TBX1: variants seen among roughly 807,000 people sequenced by gnomAD.
The protein encoded by TBX1 is T-box transcription factor TBX1.
Under a neutral mutation model 40.8 loss-of-function variants are expected in TBX1, and 16 were observed. The observed-to-expected ratio is 0.39, with a 90% CI of 0.27 to 0.60. TBX1 has a LOEUF of 0.60. Among genes scored for constraint, TBX1 ranks in the 20% least tolerant of loss-of-function variants. TBX1 has a pLI of 0.51. For missense variants in TBX1, 755 were observed against 728.5 expected, an observed-to-expected ratio of 1.04 and a Z score of -0.42; for synonymous variants, 403 against 336.8, an observed-to-expected ratio of 1.20 and a Z score of -2.15.
chr22:19,779,588 C>T (rs768438598), downstream of TBX1: 11 of 1,413,080 alleles, frequency 7.8e-6, no homozygotes, highest in Non-Finnish European at 1.0e-5. Context: ...TAAATCAAAA[C>T]TTGTTGGATA....
intron 8 of TBX1, among the ~76,000 whole-genome samples, chr22:19,773,896 G>A (rs1937027293): frequency 6.6e-6 from 1 of 152,216 alleles, no homozygotes; most frequent in Non-Finnish European, 1.5e-5. Context: ...CTCCTGCAGT[G>A]GGAGGTTTCC....
At chr22:19,759,799 C>A, upstream of TBX1, 1 of 1,189,542 alleles carries the variant, frequency 8.4e-7, no homozygotes, top group Non-Finnish European at 1.2e-6. Flanking sequence ...AGGCTTCTGG[C>A]TGCGATTCTG....
At position 19,779,322 on chromosome 22, in the gene TBX1, TG is replaced by T; in HGVS notation, c.1116del (p.Leu373SerfsTer29). The T allele has an allele frequency of 1.2e-6, 2 of 1,614,216 alleles. No individual in the cohort carries two copies. The highest frequency in any genetic ancestry group is 3.3e-5 in the Admixed American group (2 of 60,024). On this transcript the variant is annotated frameshift_variant, in exon 9 of 9. Transcript: ENST00000329705. LOFTEE classifies it low-confidence loss of function (END_TRUNC). The stretch of plus-strand genomic sequence containing the variant: ...AGGGATGCAGGTGGCTGTGTGAACC[TG>T]GGGCTCCCCTGCCCCGCAGAGTGCC...
At chr22:19,769,617 A>ATGCCCC (rs1299997627), downstream of TBX1, among the ~76,000 whole-genome samples, 1 of 152,192 alleles carries the variant, frequency 6.6e-6, no homozygotes, top group Non-Finnish European at 1.5e-5. Context: ...TGTCTGGCTG[A>ATGCCCC]TGCCCCAGCC....
chr22:19,763,467 C>A, intron 2 of TBX1, 125 bp downstream of exon 2: 1 of 783,214 alleles, frequency 1.3e-6, no homozygotes, highest in Non-Finnish European at 2.1e-6. Flanking sequence ...TGCGATGCTG[C>A]CCGATCAACC....
Position 19,760,975 on chromosome 22 carries a change from C to G in TBX1, c.132C>G (p.Ala44=), listed in dbSNP as rs1383720808. The G allele has an allele frequency of 3.1e-6, 3 of 972,888 alleles. No individual in the cohort carries two copies. Among genetic ancestry groups the G allele is most frequent in the Non-Finnish European group, 3.7e-6 (3 of 820,954 alleles). The allele number at this position is 972,888 out of a possible 1,614,324, so 60.3% of individuals were successfully genotyped here. Residue 44 remains alanine, a synonymous_variant, in exon 1 of 7, where the codon GCC becomes GCG. Transcript: ENST00000649276. Reference sequence around the variant, plus strand: ...TCCCGGGCGCCGCGTCGCCCGGCGCCGACCCGTACGGCCCGCGCGAGCCCC... The same window carrying G: ...TCCCGGGCGCCGCGTCGCCCGGCGCGGACCCGTACGGCCCGCGCGAGCCCC... The part of the protein sequence containing the change: ...GGFPGAASPG[A]DPYGPREPPP...
At chr22:19,757,003 T>TGGAGGCGGC (rs970292506), upstream of TBX1, among the ~76,000 whole-genome samples, 1 of 152,010 alleles carries the variant, frequency 6.6e-6, no homozygotes, top group Non-Finnish European at 1.5e-5. Context: ...ATGGAGGCGG[T>TGGAGGCGGC]GGAGGCGGCG....
chr22:19,764,588 C>T (rs1291101582), intron 3 of TBX1, among the ~76,000 whole-genome samples: 5 of 152,206 alleles, frequency 3.3e-5, no homozygotes, highest in African/African-American at 1.2e-4. Context: ...GGAGAGGGGT[C>T]GCCCTCCTTC....
At chr22:19,766,061 GCGGCCTCGCC>G in intron 6 of TBX1, 59 bp downstream of exon 6, 2 of 1,373,846 alleles carry the variant, frequency 1.5e-6, no homozygotes, top group South Asian at 3.0e-5. Flanking sequence ...CCCCGGGCCG[GCGGCCTCGCC>G]CGACCTCGCC....
intron 6 of TBX1, 39 bp from the exon 7 acceptor site, chr22:19,766,350 C>T: frequency 8.0e-7 from 1 of 1,251,650 alleles, no homozygotes; most frequent in Non-Finnish European, 1.0e-6. Context: ...TCCTCGGCGG[C>T]CCCGGCCGGC....
upstream of TBX1, among the ~76,000 whole-genome samples, chr22:19,758,672 G>C (rs72646939): frequency 6.6e-6 from 1 of 152,058 alleles, no homozygotes; most frequent in Admixed American, 6.5e-5. Flanking sequence ...CTCCGCCCCC[G>C]GCCCTCCCTG....
At chr22:19,764,549 G>A (rs1233005837) in intron 3 of TBX1, among the ~76,000 whole-genome samples, 2 of 152,258 alleles carry the variant, frequency 1.3e-5, no homozygotes, top group Non-Finnish European at 2.9e-5. Context: ...CTGGTCAGGG[G>A]TCGCACAGCC....
At chr22:19,761,554 C>A (rs1214006746) in intron 1 of TBX1, among the ~76,000 whole-genome samples, 1 of 151,750 alleles carries the variant, frequency 6.6e-6, no homozygotes, top group Non-Finnish European at 1.5e-5. Flanking sequence ...CCGCGGGACT[C>A]GCCCGCCCGC....
chr22:19,759,151 A>G (rs898921449), upstream of TBX1, among the ~76,000 whole-genome samples: 1 of 152,144 alleles, frequency 6.6e-6, no homozygotes, highest in Non-Finnish European at 1.5e-5. Context: ...GTAGAAGCTG[A>G]CGGTGGCTTC....
At chr22:19,778,787 C>G (rs975643702) in intron 8 of TBX1, among the ~76,000 whole-genome samples, 7 of 152,078 alleles carry the variant, frequency 4.6e-5, no homozygotes, top group Non-Finnish European at 7.4e-5. Flanking sequence ...GACGTGGCGG[C>G]AGGTGCCTGT....
intron 4 of TBX1, 78 bp downstream of exon 4, chr22:19,765,191 G>A: frequency 3.1e-6 from 5 of 1,604,000 alleles, no homozygotes; most frequent in East Asian, 2.2e-5. Context: ...GCCGTTTGGG[G>A]ACAGTGGGTC....
downstream of TBX1, among the ~76,000 whole-genome samples, chr22:19,770,521 C>T (rs1462078712): frequency 6.6e-6 from 1 of 152,250 alleles, no homozygotes; most frequent in African/African-American, 2.4e-5. Flanking sequence ...GGCAGGAGCA[C>T]GCGGGGGCTT....
At chr22:19,772,345 G>A (rs1258156520) in intron 8 of TBX1, among the ~76,000 whole-genome samples, 1 of 152,138 alleles carries the variant, frequency 6.6e-6, no homozygotes, top group East Asian at 1.9e-4. Context: ...TTGCTCTGTT[G>A]CCCAGGCTGG....
upstream of TBX1, chr22:19,759,743 C>G (rs962942533): frequency 3.8e-6 from 6 of 1,578,964 alleles, no homozygotes; most frequent in East Asian, 2.3e-5. Context: ...TGCTGTGGGG[C>G]CCGGGTGCAA....
Sources: allele counts gnomAD v4.1 joint callset (sites outside exome capture counted in the v4.1 genomes callset), GRCh38; gene constraint gnomAD v4.1.1; transcripts MANE v1.5; gene names NCBI Gene and HGNC (gene_info 2026-07-23, HGNC 2026-07-21).